The following DTD1 variants were observed in gnomAD, a reference collection of about 807,000 sequenced individuals.
DTD1 encodes D-aminoacyl-tRNA deacylase 1, also known as D-tyrosyl-tRNA deacylase 1 homolog.
A neutral mutation model predicts 25.6 loss-of-function variants in DTD1; 13 were observed. The observed-to-expected ratio is 0.51, with a 90% CI of 0.33 to 0.81. The LOEUF (loss-of-function observed/expected upper bound fraction) is 0.81. Among genes scored for constraint, DTD1 ranks in the 30% least tolerant of loss-of-function variants. DTD1 has a pLI of 0.02. For missense variants in DTD1, 193 were observed against 266.4 expected, an observed-to-expected ratio of 0.72 and a Z score of 1.92; for synonymous variants, 110 against 103.6, an observed-to-expected ratio of 1.06 and a Z score of -0.37.
In DTD1 at chr20:18,713,239, G is replaced by T. The variant is rs182408631; in HGVS notation, c.478-30861G>T. Among the ~76,000 whole-genome samples, 201 of 152,376 alleles carry T rather than the reference G, an allele frequency of 1.3e-3. 1 individual carries two copies. Among genetic ancestry groups the T allele is most frequent in the African/African-American group, 4.7e-3 (194 of 41,596 alleles). On this transcript the variant is annotated intron_variant, in intron 4 of 5. Transcript: ENST00000377452. ...TGTGTGTCCTCCTGGCATTTCAGGAGCTGTTTCATGTAGTGTCTGACTTTA... is the reference window on the plus strand; with the variant it reads ...TGTGTGTCCTCCTGGCATTTCAGGATCTGTTTCATGTAGTGTCTGACTTTA...
chr20:18,692,518 C>A (rs1012815315), intron 4 of DTD1, among the ~76,000 whole-genome samples: 2 of 152,192 alleles, frequency 1.3e-5, no homozygotes, highest in African/African-American at 4.8e-5. Flanking sequence ...TACAAGCCAC[C>A]ATGAATGGAT....
intron 5 of DTD1, among the ~76,000 whole-genome samples, chr20:18,751,747 GCCTC>G (rs1346145703): frequency 1.3e-5 from 2 of 152,054 alleles, no homozygotes; most frequent in Non-Finnish European, 2.9e-5. Flanking sequence ...ACACACCTCA[GCCTC>G]CCAAAGTGCT....
chr20:18,734,418 A>C (rs181861132), intron 4 of DTD1, among the ~76,000 whole-genome samples: 1 of 152,188 alleles, frequency 6.6e-6, no homozygotes, highest in African/African-American at 2.4e-5. Flanking sequence ...TTTGAGTGCA[A>C]GTCTCCATCA....
chr20:18,684,230 C>G (rs1379309369), intron 4 of DTD1, among the ~76,000 whole-genome samples: 1 of 152,102 alleles, frequency 6.6e-6, no homozygotes, highest in Non-Finnish European at 1.5e-5. Flanking sequence ...GCATGATGGG[C>G]TCCCAGGAGT....
chr20:18,657,270 G>A (rs2060894643), intron 4 of DTD1, among the ~76,000 whole-genome samples: 1 of 152,256 alleles, frequency 6.6e-6, no homozygotes, highest in South Asian at 2.1e-4. Flanking sequence ...ACCTAGCACT[G>A]GGCCTTTTGT....
chr20:18,596,086 A>G lies in DTD1; in HGVS notation c.215A>G (p.Tyr72Cys), dbSNP rs753153008. The change falls in exon 3 of 6, where the codon TAC becomes TGC. Residue 72 changes from tyrosine (Y) to cysteine (C), a missense_variant. Physicochemically the swap from Tyr to Cys is radical, Grantham distance 194. Coordinates refer to ENST00000377452, the MANE Select transcript of DTD1 (RefSeq NM_080820.6). The part of the protein sequence containing the change: ...HWSKSVMDKQ[Y>C]EILCVSQFTL... ...TCGAAGAGTGTGATGGACAAACAGTACGAGATTCTGTGTGTCAGCCAGTTT... is the reference window on the plus strand; with the variant it reads ...TCGAAGAGTGTGATGGACAAACAGTGCGAGATTCTGTGTGTCAGCCAGTTT... 4 of 1,614,190 alleles carry G rather than the reference A, an allele frequency of 2.5e-6. No homozygotes were observed. The highest frequency in any genetic ancestry group is 3.4e-6 in the Non-Finnish European group (4 of 1,180,012).
At chr20:18,639,954 G>A (rs1418391542) in intron 4 of DTD1, among the ~76,000 whole-genome samples, 1 of 151,900 alleles carries the variant, frequency 6.6e-6, no homozygotes, top group Non-Finnish European at 1.5e-5. Context: ...TTAACCATTC[G>A]TGTCATTGTT....
chr20:18,696,304 T>C (rs2061075968), intron 4 of DTD1, among the ~76,000 whole-genome samples: 1 of 152,110 alleles, frequency 6.6e-6, no homozygotes, highest in Admixed American at 6.5e-5. Context: ...AGTCTCATTG[T>C]AGGTGAAAAT....
chr20:18,704,418 G>A (rs918278092), intron 4 of DTD1, among the ~76,000 whole-genome samples: 5 of 152,120 alleles, frequency 3.3e-5, no homozygotes, highest in Non-Finnish European at 5.9e-5. Context: ...AAATGGCACA[G>A]GAACTCCAAT....
intron 4 of DTD1, among the ~76,000 whole-genome samples, chr20:18,702,020 G>A (rs1420829631): frequency 6.6e-6 from 1 of 152,190 alleles, no homozygotes; most frequent in Non-Finnish European, 1.5e-5. Context: ...AATCATTGTT[G>A]ACAGGAGAAA....
At chr20:18,607,722 T>C (rs921479590) in intron 3 of DTD1, among the ~76,000 whole-genome samples, 3 of 149,498 alleles carry the variant, frequency 2.0e-5, no homozygotes, top group Admixed American at 6.7e-5. Flanking sequence ...CTTTCTTTCT[T>C]TTTTTTTTTG....
At chr20:18,712,360 A>G (rs2061162690) in intron 4 of DTD1, among the ~76,000 whole-genome samples, 1 of 119,382 alleles carries the variant, frequency 8.4e-6, no homozygotes, top group Non-Finnish European at 1.6e-5. Context: ...GACACATATG[A>G]TATCATTTTC....
intron 4 of DTD1, among the ~76,000 whole-genome samples, chr20:18,695,681 C>G (rs1466961518): frequency 7.2e-6 from 1 of 138,406 alleles, no homozygotes; most frequent in Non-Finnish European, 1.5e-5. Flanking sequence ...CCTCCCTTTC[C>G]TTTTCCTCTG....
At chr20:18,711,266 G>A (rs964766377) in intron 4 of DTD1, among the ~76,000 whole-genome samples, 2 of 152,172 alleles carry the variant, frequency 1.3e-5, no homozygotes, top group African/African-American at 4.8e-5. Context: ...TTCTCCCTCT[G>A]TGCAGCTGTC....
At chr20:18,702,457 G>A (rs562096309) in intron 4 of DTD1, among the ~76,000 whole-genome samples, 1 of 152,290 alleles carries the variant, frequency 6.6e-6, no homozygotes, top group African/African-American at 2.4e-5. Flanking sequence ...ATTTAGCAAG[G>A]GCTATAGAAT....
chr20:18,754,286 C>T (rs188409035), intron 5 of DTD1, among the ~76,000 whole-genome samples: 5 of 152,160 alleles, frequency 3.3e-5, no homozygotes, highest in African/African-American at 7.2e-5. Flanking sequence ...CACTGTCCCT[C>T]GTGGTTGACG....
chr20:18,688,920 C>G (rs1454507347), intron 4 of DTD1, among the ~76,000 whole-genome samples: 1 of 152,000 alleles, frequency 6.6e-6, no homozygotes, highest in Non-Finnish European at 1.5e-5. Context: ...GCAGGTGGAG[C>G]TAGCAGTGGC....
chr20:18,760,402 G>A lies in DTD1; in HGVS notation c.*20-2958G>A, dbSNP rs192523348. Reference sequence around the variant, plus strand: ...TGGTCTTTGATGATGGTGACGTACAGATAGGGTTTTGGTGTGGATGTCCTT... The same window carrying A: ...TGGTCTTTGATGATGGTGACGTACAAATAGGGTTTTGGTGTGGATGTCCTT... On this transcript the variant is annotated intron_variant, in intron 5 of 5. Coordinates refer to ENST00000377452, the MANE Select transcript of DTD1 (RefSeq NM_080820.6). 4.6e-3 allele frequency among the ~76,000 whole-genome samples: 700 copies of A among 152,330 alleles called. 4 individuals are homozygous for A. Among genetic ancestry groups the A allele is most frequent in the African/African-American group, 0.016 (654 of 41,582 alleles).
rs1568689392 is a variant in DTD1, at chr20:18,749,206, C to CT, written c.*19+4935_*19+4936insT. Among the ~76,000 whole-genome samples the CT allele has an allele frequency of 2.0e-5, 3 of 152,106 alleles. No individual in the cohort carries two copies. The highest frequency in any genetic ancestry group is 4.8e-5 in the African/African-American group (2 of 41,424). ...GTTGGGTTGCAGGAAACTTGGAAGC[C>CT]GTGACAGGGATTCTGGAGGGAGAGC... On this transcript the variant is annotated intron_variant, in intron 5 of 5. Transcript: ENST00000377452. This position sits in a 1 kb window ranked among gnomAD's most constrained non-coding sequence, Gnocchi z 4.2.
Sources: gnomAD v4.1 joint callset for allele counts (sites outside exome capture counted in the v4.1 genomes callset) on GRCh38, gnomAD v4.1.1 for gene constraint, Gnocchi (gnomAD v3.1) non-coding constraint, MANE v1.5 for transcripts, NCBI Gene and HGNC (gene_info 2026-07-23, HGNC 2026-07-21) for gene names.